Variants in IQSEC3 observed in about 807,000 individuals in gnomAD.
The protein encoded by IQSEC3 is IQ motif and SEC7 domain-containing protein 3.
In IQSEC3, 50 loss-of-function variants were observed where a neutral mutation model predicts 105.4. The ratio of observed to expected loss-of-function variants is 0.47; its 90% CI spans 0.38 to 0.60. The LOEUF (loss-of-function observed/expected upper bound fraction) is 0.60, where lower values mean the gene tolerates loss of function less well. IQSEC3 is among the 20% of genes least tolerant of loss of function. IQSEC3 has a pLI of 0.00. For synonymous variants in IQSEC3, 708 were observed against 746.0 expected, an observed-to-expected ratio of 0.95 and a Z score of 0.83; for missense variants, 1,415 against 1,630.0, an observed-to-expected ratio of 0.87 and a Z score of 2.27.
At chr12:86,155 A>C (rs1863910799) in intron 1 of IQSEC3, among the ~76,000 whole-genome samples, 1 of 152,228 alleles carries the variant, frequency 6.6e-6, no homozygotes, top group Non-Finnish European at 1.5e-5. Flanking sequence ...GTCTCAGGGA[A>C]GCTGCTGAAG....
chr12:127,019 C>A (rs1354769288), intron 3 of IQSEC3, among the ~76,000 whole-genome samples: 1 of 152,138 alleles, frequency 6.6e-6, no homozygotes, highest in Non-Finnish European at 1.5e-5. Context: ...GGATTACTAA[C>A]AATATAGTAA....
intron 1 of IQSEC3, among the ~76,000 whole-genome samples, chr12:81,385 G>C (rs543960043): frequency 6.6e-5 from 10 of 152,304 alleles, no homozygotes; most frequent in African/African-American, 2.4e-4. Context: ...GACTGAAGAG[G>C]GAAGAAAGGC....
In IQSEC3 at chr12:99,215, G is replaced by A. The variant is rs782558792; in HGVS notation, c.623+1G>A. 1 of 1,598,126 alleles carries A rather than the reference G, an allele frequency of 6.3e-7. No individual in the cohort carries two copies. The highest frequency in any genetic ancestry group is 8.5e-7 in the Non-Finnish European group (1 of 1,179,450). ...CCTGCTCCGACCTGGCCTCCCAAAGGTGGGAACTGTGGCCCTTCCTCCCTT... is the reference window on the plus strand; with the variant it reads ...CCTGCTCCGACCTGGCCTCCCAAAGATGGGAACTGTGGCCCTTCCTCCCTT... On this transcript the variant is annotated splice_donor_variant, in intron 2 of 13. Coordinates refer to ENST00000538872, the MANE Select transcript of IQSEC3 (RefSeq NM_001170738.2). LOFTEE classifies it high-confidence loss of function.
Position 178,399 on chromosome 12 carries a change from T to C in IQSEC3, c.*3366T>C, listed in dbSNP as rs1383912365. ...ATTTTGTAACAAAATAGCCCAGAGG[T>C]ATTTTATCTGTTCAATTCATAGAGT... is the stretch of plus-strand genomic sequence containing the variant. On this transcript the variant is annotated 3_prime_UTR_variant, in exon 14 of 14. Transcript: ENST00000538872. The C allele has an allele frequency of 6.6e-6, 1 of 152,140 alleles. No individual in the cohort carries two copies. Among genetic ancestry groups the C allele is most frequent in the African/African-American group, 2.4e-5 (1 of 41,422 alleles). 9.4% of individuals were successfully genotyped at this position (152,140 alleles called of 1,614,324 possible). A position where few individuals can be genotyped will look rare whatever the true frequency, so the allele number is the denominator to read the frequency against.
chr12:130,602 G>A (rs751281248), intron 3 of IQSEC3, among the ~76,000 whole-genome samples: 1 of 152,198 alleles, frequency 6.6e-6, no homozygotes, highest in Admixed American at 6.5e-5. Context: ...CCCCACTGGA[G>A]GGTCTCATGA....
intron 3 of IQSEC3, among the ~76,000 whole-genome samples, chr12:133,686 C>G (rs1236757253): frequency 6.6e-5 from 10 of 151,538 alleles, no homozygotes; most frequent in Non-Finnish European, 1.2e-4. Context: ...CAGGCTAGGG[C>G]AGGGTTGGGT....
chr12:138,457 C>T lies in IQSEC3; in HGVS notation c.1094C>T (p.Ala365Val). 2 of 1,602,612 alleles carry T rather than the reference C, an allele frequency of 1.2e-6. No individual in the cohort carries two copies. The highest frequency in any genetic ancestry group is 1.7e-6 in the Non-Finnish European group (2 of 1,178,684). The part of the protein sequence containing the change: ...KVRSPTAESL[A>V]AEKALMEGYG... ...CGGTCACCCACGGCCGAGAGCCTGG[C>T]GGCCGAGAAAGCGCTCATGGAGGGC... Residue 365 changes from alanine (A) to valine (V), a missense_variant, in exon 4 of 14, where the codon GCG (alanine) becomes GTG (valine). Transcript: ENST00000538872. This position sits in a 1 kb window ranked among gnomAD's most constrained non-coding sequence, Gnocchi z 7.1.
At chr12:131,813 C>T (rs1288348774) in intron 3 of IQSEC3, among the ~76,000 whole-genome samples, 2 of 152,064 alleles carry the variant, frequency 1.3e-5, no homozygotes, top group East Asian at 1.9e-4. Flanking sequence ...GGGGGCCTGG[C>T]AGGCCCAACT....
chr12:113,250 T>A (rs1555079976), intron 2 of IQSEC3, among the ~76,000 whole-genome samples: 1 of 152,224 alleles, frequency 6.6e-6, no homozygotes, highest in Non-Finnish European at 1.5e-5. Flanking sequence ...ACTCCTTCTG[T>A]CCTTCTGCTT....
At position 99,527 on chromosome 12, in the gene IQSEC3, C is replaced by G. The variant is rs374021535; in HGVS notation, c.623+313C>G. ...GAAAGTTGATTTGATTGGGGATATT[C>G]GTGTCTCTCACACGGTAGGGTGCCT... On this transcript the variant is annotated intron_variant, in intron 2 of 13. Transcript: ENST00000538872. 6.6e-5 allele frequency among the ~76,000 whole-genome samples: 10 copies of G among 152,342 alleles called. 1 individual carries two copies. In the East Asian group the frequency reaches 1.9e-3, roughly 29 times the overall value.
chr12:93,504 G>T (rs1312668472), intron 1 of IQSEC3, among the ~76,000 whole-genome samples: 1 of 152,184 alleles, frequency 6.6e-6, no homozygotes, highest in African/African-American at 2.4e-5. Context: ...AGAGAGCAAG[G>T]CAGAGACAGA....
At chr12:131,062 C>T (rs1253718029) in intron 3 of IQSEC3, among the ~76,000 whole-genome samples, 3 of 151,148 alleles carry the variant, frequency 2.0e-5, no homozygotes, top group Non-Finnish European at 4.4e-5. Flanking sequence ...CTGTGCCCCC[C>T]AGCTAGCGGC....
chr12:93,312 A>C (rs1196160698), intron 1 of IQSEC3, among the ~76,000 whole-genome samples: 1 of 152,234 alleles, frequency 6.6e-6, no homozygotes, highest in Non-Finnish European at 1.5e-5. Context: ...CTGTGGACAG[A>C]AGCAGGTTGT....
intron 1 of IQSEC3, among the ~76,000 whole-genome samples, chr12:81,672 G>A (rs1448737420): frequency 2.6e-5 from 4 of 152,186 alleles, no homozygotes; most frequent in African/African-American, 4.8e-5. Flanking sequence ...TGTTTGAGAG[G>A]AGATGTGCAG....
At chr12:125,595 C>G in intron 2 of IQSEC3, 38 bp from the exon 3 acceptor site, 3 of 1,464,476 alleles carry the variant, frequency 2.0e-6, no homozygotes, top group Non-Finnish European at 1.8e-6. Context: ...CCCTGTCGCC[C>G]TCTCCCCCAA....
intron 2 of IQSEC3, among the ~76,000 whole-genome samples, chr12:105,289 A>G (rs1325425980): frequency 2.0e-5 from 3 of 152,224 alleles, no homozygotes; most frequent in Admixed American, 6.5e-5. Context: ...AATCCCCACA[A>G]GCCCCCTGCA....
intron 5 of IQSEC3, among the ~76,000 whole-genome samples, chr12:150,280 C>G (rs116592053): frequency 0.013 from 1,972 of 152,234 alleles, 39 homozygotes; most frequent in African/African-American, 0.044. Flanking sequence ...CAAATAAACA[C>G]GTACAGATTT....
At chr12:108,021 T>C (rs1555078514) in intron 2 of IQSEC3, among the ~76,000 whole-genome samples, 1 of 152,214 alleles carries the variant, frequency 6.6e-6, no homozygotes, top group Non-Finnish European at 1.5e-5. Context: ...TAGGGATATC[T>C]GGGATTAGGC....
chr12:74,679 C>T (rs1163023894), intron 1 of IQSEC3, among the ~76,000 whole-genome samples: 4 of 152,248 alleles, frequency 2.6e-5, no homozygotes, highest in Non-Finnish European at 4.4e-5. Flanking sequence ...AGACCATTCC[C>T]TCTAAGCCAC....
Sources: allele counts gnomAD v4.1 joint callset (sites outside exome capture counted in the v4.1 genomes callset), GRCh38; gene constraint gnomAD v4.1.1; non-coding constraint Gnocchi (gnomAD v3.1); transcripts MANE v1.5; gene names NCBI Gene and HGNC (gene_info 2026-07-23, HGNC 2026-07-21).